KIAA1328: variants seen among roughly 807,000 people sequenced by gnomAD.
KIAA1328 encodes KIAA1328.
In KIAA1328, 52 loss-of-function variants were observed where a neutral mutation model predicts 68.1. The ratio of observed to expected loss-of-function variants is 0.76; its 90% confidence interval spans 0.61 to 0.96. The LOEUF (loss-of-function observed/expected upper bound fraction) is 0.96. Ranked by LOEUF, KIAA1328 falls within the 40% of genes least tolerant of loss-of-function variation. The pLI is 0.00. For missense variants in KIAA1328, 641 were observed against 677.6 expected, an observed-to-expected ratio of 0.95 and a Z score of 0.60; for synonymous variants, 232 against 239.4, an observed-to-expected ratio of 0.97 and a Z score of 0.28.
chr18:36,920,192 A>G (rs1353341621), intron 5 of KIAA1328, among the ~76,000 whole-genome samples: 2 of 152,118 alleles, frequency 1.3e-5, no homozygotes, highest in Non-Finnish European at 2.9e-5. Context: ...TTGAGATCTT[A>G]TAAGTCTTTA....
chr18:37,190,533 G>A (rs531197752), intron 9 of KIAA1328, among the ~76,000 whole-genome samples: 4 of 152,234 alleles, frequency 2.6e-5, no homozygotes, highest in South Asian at 2.1e-4. Context: ...TCTGGTTGTC[G>A]TTCTACTTTG....
At chr18:36,991,546 G>C (rs1454190422) in intron 6 of KIAA1328, among the ~76,000 whole-genome samples, 1 of 152,082 alleles carries the variant, frequency 6.6e-6, no homozygotes, top group African/African-American at 2.4e-5. Context: ...TCATCTTTCA[G>C]ATTTTTGAAG....
In KIAA1328 at chr18:36,953,191, A is replaced by G. The variant is rs2051235078; in HGVS notation, c.449-6117A>G. Among the ~76,000 whole-genome samples the G allele has an allele frequency of 2.7e-5, 4 of 148,190 alleles. No individual in the cohort carries two copies. In the South Asian group the frequency reaches 8.3e-4, roughly 31 times the overall value. On this transcript the variant is annotated intron_variant, in intron 5 of 9. Coordinates refer to ENST00000280020, the MANE Select transcript of KIAA1328 (RefSeq NM_020776.3). ...CATATATCATAAATATAAATATTTA[A>G]TATGCATATATAATTGTATATAAAC...
intron 7 of KIAA1328, among the ~76,000 whole-genome samples, chr18:37,112,302 G>T (rs752496491): frequency 6.6e-6 from 1 of 152,146 alleles, no homozygotes; most frequent in Admixed American, 6.6e-5. Context: ...TCATACAGTC[G>T]GGTGCCCCTC....
At position 36,968,024 on chromosome 18, in the gene KIAA1328, G is replaced by A. The variant is rs527943350; in HGVS notation, c.576+8589G>A. On this transcript the variant is annotated intron_variant, in intron 6 of 9. Coordinates refer to ENST00000280020, the MANE Select transcript of KIAA1328 (RefSeq NM_020776.3). ...AACATATTTGGAAAACATATTTCAG[G>A]ATATCATTCATGAGAACTTCCCCAA... 7.6e-4 allele frequency among the ~76,000 whole-genome samples: 115 copies of A among 152,218 alleles called. 1 individual carries two copies. In the South Asian group the frequency reaches 0.015, roughly 20 times the overall value.
chr18:37,022,169 A>G (rs930550367), intron 6 of KIAA1328, among the ~76,000 whole-genome samples: 3 of 152,160 alleles, frequency 2.0e-5, no homozygotes, highest in Non-Finnish European at 4.4e-5. Flanking sequence ...GTGGGAGAGG[A>G]TTTTAAGAAA....
intron 6 of KIAA1328, among the ~76,000 whole-genome samples, chr18:37,043,536 A>T (rs1473655430): frequency 5.9e-5 from 9 of 152,098 alleles, no homozygotes; most frequent in Non-Finnish European, 1.3e-4. Context: ...TTCATAGAGG[A>T]TTGCCCTGAG....
chr18:36,831,833 G>A (rs867055693), intron 1 of KIAA1328, among the ~76,000 whole-genome samples: 1 of 152,032 alleles, frequency 6.6e-6, no homozygotes, highest in Non-Finnish European at 1.5e-5. Flanking sequence ...CTGGGATAGA[G>A]GTGCATCTTC....
At chr18:36,829,324 T>C (rs1319371118) in intron 1 of KIAA1328, 128 bp downstream of exon 1, 1 of 1,400,160 alleles carries the variant, frequency 7.1e-7, no homozygotes, top group Non-Finnish European at 9.2e-7. Flanking sequence ...GACGTGCTGC[T>C]CGGCCCCAGT....
At chr18:37,213,758 CCCA>C (rs1325927999) in intron 9 of KIAA1328, among the ~76,000 whole-genome samples, 2 of 152,190 alleles carry the variant, frequency 1.3e-5, no homozygotes, top group Admixed American at 6.5e-5. Context: ...AGTTTACACT[CCCA>C]CCAACAGTGT....
chr18:36,906,128 A>C (rs1568146824), intron 5 of KIAA1328, among the ~76,000 whole-genome samples: 2 of 152,120 alleles, frequency 1.3e-5, no homozygotes, highest in Non-Finnish European at 2.9e-5. Context: ...TCTTTCAATG[A>C]GGTTATTACA....
At chr18:36,969,136 G>A (rs1347856968) in intron 6 of KIAA1328, among the ~76,000 whole-genome samples, 2 of 152,218 alleles carry the variant, frequency 1.3e-5, no homozygotes, top group East Asian at 3.9e-4. Flanking sequence ...CACAGCTAAG[G>A]CAGTGTTAAA....
intron 5 of KIAA1328, among the ~76,000 whole-genome samples, chr18:36,890,446 G>T (rs112669372): frequency 6.6e-6 from 1 of 151,882 alleles, no homozygotes; most frequent in African/African-American, 2.4e-5. Context: ...CAAGGCAGGC[G>T]GATCACCTGA....
intron 9 of KIAA1328, among the ~76,000 whole-genome samples, chr18:37,211,042 CATAAAG>C (rs562166520): frequency 4.3e-4 from 66 of 152,278 alleles, no homozygotes; most frequent in African/African-American, 1.3e-3. Flanking sequence ...ACAGCATAAT[CATAAAG>C]ATAAACATTT....
chr18:37,119,256 A>G (rs1224230728), intron 7 of KIAA1328, among the ~76,000 whole-genome samples: 5 of 152,154 alleles, frequency 3.3e-5, no homozygotes, highest in Admixed American at 6.5e-5. Flanking sequence ...AAAGTTATAG[A>G]TAAACAAGGA....
chr18:37,226,715 C>CTTTTTTT (rs763991741), downstream of KIAA1328, among the ~76,000 whole-genome samples: 24 of 128,684 alleles, frequency 1.9e-4, no homozygotes, highest in Non-Finnish European at 3.2e-4. Flanking sequence ...GGGTTGTTCC[C>CTTTTTTT]TTTTTTTTTT....
intron 9 of KIAA1328, among the ~76,000 whole-genome samples, chr18:37,200,405 T>C (rs916586980): frequency 1.3e-5 from 2 of 152,338 alleles, no homozygotes; most frequent in East Asian, 3.9e-4. Context: ...TATGGCTTCT[T>C]GGTGTCTGTT....
intron 7 of KIAA1328, among the ~76,000 whole-genome samples, chr18:37,144,095 A>G (rs548725184): frequency 2.6e-5 from 4 of 152,296 alleles, no homozygotes; most frequent in Admixed American, 6.5e-5. Context: ...AATTTCTGTA[A>G]CAGATATGAA....
intron 6 of KIAA1328, among the ~76,000 whole-genome samples, chr18:36,967,142 C>T (rs905858929): frequency 1.3e-5 from 2 of 152,028 alleles, no homozygotes; most frequent in Non-Finnish European, 2.9e-5. Flanking sequence ...TCTTGGTAGG[C>T]CCGATCTAAT....
Sources: gnomAD v4.1 joint callset for allele counts (sites outside exome capture counted in the v4.1 genomes callset) on GRCh38, gnomAD v4.1.1 for gene constraint, MANE v1.5 for transcripts, NCBI Gene and HGNC (gene_info 2026-07-23, HGNC 2026-07-21) for gene names.